FNDC3A: variants seen among roughly 807,000 people sequenced by gnomAD.
The protein encoded by FNDC3A is fibronectin type III domain containing 3A.
In FNDC3A, 32 loss-of-function variants were observed where a neutral mutation model predicts 148.9. That is an observed-to-expected ratio of 0.21 (90% confidence interval 0.16 to 0.29). The LOEUF (loss-of-function observed/expected upper bound fraction) is 0.29. Ranked by LOEUF, FNDC3A falls within the 10% of genes least tolerant of loss-of-function variation. The pLI, the probability that FNDC3A is intolerant of heterozygous loss-of-function variation, is 1.00. For synonymous variants in FNDC3A, 472 were observed against 473.6 expected (o/e 1.00, Z 0.04); for missense variants, 1,191 against 1,452.8 (o/e 0.82, Z 2.93).
At chr13:49,113,563 T>G (rs926578549) in intron 3 of FNDC3A, among the ~76,000 whole-genome samples, 1 of 152,180 alleles carries the variant, frequency 6.6e-6, no homozygotes, top group African/African-American at 2.4e-5. Flanking sequence ...ACATTTGAGC[T>G]TTTCCTCCTT....
chr13:49,054,902 T>A (rs1348896127), intron 2 of FNDC3A, among the ~76,000 whole-genome samples: 1 of 152,146 alleles, frequency 6.6e-6, no homozygotes, highest in Non-Finnish European at 1.5e-5. Context: ...TCACTCTACT[T>A]TTTTCTCTTT....
At chr13:49,185,152 T>TGA (rs1338454000) in intron 14 of FNDC3A, among the ~76,000 whole-genome samples, 1 of 152,168 alleles carries the variant, frequency 6.6e-6, no homozygotes, top group Non-Finnish European at 1.5e-5. Flanking sequence ...TTAAGTTCAG[T>TGA]AGAGGAGAAA....
chr13:49,038,019 T>C (rs1874629645), intron 2 of FNDC3A, among the ~76,000 whole-genome samples: 1 of 152,106 alleles, frequency 6.6e-6, no homozygotes, highest in Non-Finnish European at 1.5e-5. Context: ...CTCAGCAGGA[T>C]GGATGGGGAG....
At chr13:49,159,537 C>G (rs1191443464) in intron 8 of FNDC3A, among the ~76,000 whole-genome samples, 1 of 152,192 alleles carries the variant, frequency 6.6e-6, no homozygotes, top group Admixed American at 6.5e-5. Context: ...CTGGGGTTTT[C>G]TAAATATACA....
rs1474388577 is a variant in FNDC3A at position 49,077,895 on chromosome 13, AG to A, written c.175+2533del. On this transcript the variant is annotated intron_variant, in intron 3 of 25. Transcript: ENST00000492622. ...TCACATATTATACTTAAAAGAAACC[AG>A]GCAGTAGAATTTATAAGCAGTGTGA... Among the ~76,000 whole-genome samples the A allele has an allele frequency of 3.3e-5, 5 of 152,246 alleles. No individual in the cohort carries two copies. In the East Asian group the frequency reaches 9.6e-4, roughly 29 times the overall value.
At position 49,207,096 on chromosome 13, in the gene FNDC3A, G is replaced by A. The variant is rs142361918; in HGVS notation, c.3298G>A (p.Asp1100Asn). Residue 1100 changes from aspartate to asparagine, a missense_variant, in exon 26 of 26, where the codon GAC becomes AAC. By Grantham distance (23) the Asp-to-Asn change is conservative. Around this residue, in one of 3 missense-constraint regions of FNDC3A, gnomAD observed 751 missense variants for 944.0 expected, o/e 0.80. Transcript: ENST00000492622. Reference sequence around the variant, plus strand: ...TTATTAACAGATTTACAAGGGTCCCGACTCTTCCTTCCGGTATTCCAGCCT... The same window carrying A: ...TTATTAACAGATTTACAAGGGTCCCAACTCTTCCTTCCGGTATTCCAGCCT... ...SEFKQIYKGP[D>N]SSFRYSSLQL... is the part of the protein sequence containing the mutation. 1.0e-4 allele frequency: 169 copies of A among 1,613,476 alleles called. No homozygotes were observed. In the African/African-American group the frequency reaches 1.4e-3, roughly 13 times the overall value.
intron 7 of FNDC3A, among the ~76,000 whole-genome samples, chr13:49,143,719 T>G (rs916488380): frequency 1.3e-5 from 2 of 152,184 alleles, no homozygotes; most frequent in Non-Finnish European, 2.9e-5. Context: ...ATTTTGTTGA[T>G]GAGGCCTAGA....
At chr13:49,021,821 A>G (rs1319922756) in intron 2 of FNDC3A, among the ~76,000 whole-genome samples, 2 of 152,198 alleles carry the variant, frequency 1.3e-5, no homozygotes, top group African/African-American at 4.8e-5. Flanking sequence ...TTTATGGAAT[A>G]AAAATGCAGT....
At chr13:49,172,527 G>T (rs146425990) in intron 11 of FNDC3A, among the ~76,000 whole-genome samples, 4 of 152,268 alleles carry the variant, frequency 2.6e-5, no homozygotes, top group African/African-American at 9.6e-5. Flanking sequence ...CTTTAGAGGA[G>T]AATCTGTTTC....
rs528359363 is a variant in FNDC3A, at chr13:49,034,196, G to T, written c.99+27907G>T. Among the ~76,000 whole-genome samples, 19 of 152,104 alleles carry T rather than the reference G, an allele frequency of 1.2e-4. No individual in the cohort carries two copies. The East Asian group carries it at 1.9e-3, about 15-fold the overall frequency. On this transcript the variant is annotated intron_variant, in intron 2 of 25. Transcript: ENST00000492622. ...GAATCTATTAAGAATGATCAGTCCA[G>T]CTGCACTCTTTGTGAAATTATAAAT...
chr13:49,152,229 C>T (rs151281910), intron 8 of FNDC3A, among the ~76,000 whole-genome samples: 1 of 152,210 alleles, frequency 6.6e-6, no homozygotes, highest in East Asian at 1.9e-4. Context: ...CACATCCTCT[C>T]TAGCACCTGT....
chr13:49,102,027 T>C (rs1293635849), intron 3 of FNDC3A, among the ~76,000 whole-genome samples: 1 of 151,986 alleles, frequency 6.6e-6, no homozygotes, highest in East Asian at 1.9e-4. Flanking sequence ...TATGTATTTA[T>C]TTATCTCACT....
Position 49,145,873 on chromosome 13 carries a change from C to T in FNDC3A, c.915C>T (p.Leu305=). 6.2e-7 allele frequency: 1 copy of T among 1,612,826 alleles called. No homozygotes were observed. The highest frequency in any genetic ancestry group is 8.5e-7 in the Non-Finnish European group (1 of 1,178,996). ...CAGATGAAAGTAGTGTACCAGAGCT[C>T]TATGGTTATGAAGTTCTGATCTCAA... is the stretch of plus-strand genomic sequence containing the variant. The part of the protein sequence containing the change: ...GETDESSVPE[L]YGYEVLISST... The change falls in exon 8 of 26, where the codon CTC becomes CTT. Residue 305 remains leucine (L), a synonymous_variant. Coordinates refer to ENST00000492622, the MANE Select transcript of FNDC3A (RefSeq NM_001079673.2).
intron 8 of FNDC3A, among the ~76,000 whole-genome samples, chr13:49,156,679 T>G (rs1318404303): frequency 1.3e-5 from 2 of 151,570 alleles, no homozygotes; most frequent in Non-Finnish European, 2.9e-5. Context: ...TTTCCATGTT[T>G]ACCGCTTCCT....
chr13:49,141,716 G>A (rs963969528), intron 7 of FNDC3A, among the ~76,000 whole-genome samples: 1 of 152,038 alleles, frequency 6.6e-6, no homozygotes, highest in Non-Finnish European at 1.5e-5. Flanking sequence ...TTTCTCAAGG[G>A]TAGTTTTGAT....
intron 3 of FNDC3A, among the ~76,000 whole-genome samples, chr13:49,100,970 A>AT (rs1207996425): frequency 4.6e-5 from 7 of 152,182 alleles, no homozygotes; most frequent in African/African-American, 1.4e-4. Context: ...ACATCTTAGT[A>AT]TAAGTAAAGG....
chr13:49,043,444 A>G (rs184525161), intron 2 of FNDC3A, among the ~76,000 whole-genome samples: 158 of 152,266 alleles, frequency 1.0e-3, no homozygotes, highest in African/African-American at 3.7e-3. Context: ...GTATAGATTT[A>G]AATTGTTAGG....
At chr13:49,028,723 A>G (rs1230125453) in intron 2 of FNDC3A, among the ~76,000 whole-genome samples, 1 of 152,238 alleles carries the variant, frequency 6.6e-6, no homozygotes, top group East Asian at 1.9e-4. Context: ...CTAACCATCA[A>G]GCTGCCAAAT....
intron 2 of FNDC3A, among the ~76,000 whole-genome samples, chr13:49,030,450 A>T (rs1472456178): frequency 6.6e-6 from 1 of 152,194 alleles, no homozygotes; most frequent in Non-Finnish European, 1.5e-5. Context: ...TTCCTCTAAG[A>T]TGAGAAACAA....
Sources: gnomAD v4.1 joint callset for allele counts (sites outside exome capture counted in the v4.1 genomes callset) on GRCh38, gnomAD v4.1.1 for gene constraint, gnomAD v4.1.1 regional missense constraint, MANE v1.5 for transcripts, NCBI Gene and HGNC (gene_info 2026-07-23, HGNC 2026-07-21) for gene names.